The following ADGRD1 variants were observed in gnomAD, a reference collection of about 807,000 sequenced individuals.
ADGRD1 encodes the protein adhesion G protein-coupled receptor D1, also known as G-protein coupled receptor 133.
ADGRD1 carries 77 observed loss-of-function variants against 113.4 expected under a neutral mutation model. The observed-to-expected ratio is 0.68, with a 90% CI of 0.57 to 0.82. ADGRD1 has a LOEUF of 0.82. Ranked by LOEUF, ADGRD1 falls within the 40% of genes least tolerant of loss-of-function variation. ADGRD1 has a pLI of 0.00. For missense variants in ADGRD1, 1,036 were observed against 1,139.1 expected, an observed-to-expected ratio of 0.91 and a Z score of 1.30; for synonymous variants, 474 against 475.0, an observed-to-expected ratio of 1.00 and a Z score of 0.03.
In ADGRD1 at chr12:130,954,707, AG is replaced by A. The variant is rs1565976627; in HGVS notation, c.103+48del. On this transcript the variant is annotated intron_variant, in intron 2 of 24. Transcript: ENST00000261654. The surrounding 1 kb of genome is among the most constrained non-coding windows in gnomAD (Gnocchi z 4.7). ...TCTGAGCACCGCTCTCCCCCTGCCT[AG>A]TGCAGGTATCTCAGGAACAGCCCAC... 1 of 1,557,582 alleles carries A rather than the reference AG, an allele frequency of 6.4e-7. No homozygotes were observed. Among genetic ancestry groups the A allele is most frequent in the Non-Finnish European group, 8.8e-7 (1 of 1,130,132 alleles).
intron 15 of ADGRD1, among the ~76,000 whole-genome samples, chr12:131,090,987 T>C (rs1886868999): frequency 6.6e-6 from 1 of 152,040 alleles, no homozygotes; most frequent in Admixed American, 6.5e-5. Context: ...GCTTCTAACT[T>C]CTCCTGCTGA....
intron 5 of ADGRD1, 137 bp downstream of exon 5, chr12:130,982,200 T>C: frequency 1.3e-6 from 1 of 750,656 alleles, no homozygotes; most frequent in Non-Finnish European, 2.1e-6. Flanking sequence ...TCCTTTCCTT[T>C]AAGGGTTGTT....
Position 130,981,915 on chromosome 12 carries a change from A to G in ADGRD1, c.342A>G (p.Gln114=), listed in dbSNP as rs777747971. ...GVTFSFFWKT[Q]GEQSRPIPSA... is the part of the protein sequence containing the mutation. ...CGTTTTCTTTTTTCTGGAAGACACA[A>G]GGAGAACAGTCTAGACCAATCCCTT... The change falls in exon 5 of 25, where the codon CAA becomes CAG. Residue 114 remains glutamine (Q), a synonymous_variant. Transcript: ENST00000261654. The G allele has an allele frequency of 1.3e-5, 21 of 1,613,300 alleles. No homozygotes were observed. The Admixed American group carries it at 3.5e-4, about 27-fold the overall frequency.
intron 24 of ADGRD1, 121 bp downstream of exon 24, chr12:131,138,350 C>T (rs768752984): frequency 2.7e-6 from 2 of 739,902 alleles, no homozygotes; most frequent in Non-Finnish European, 4.6e-6. Flanking sequence ...GTCTTTGTCC[C>T]CCTCTCATGC....
intron 6 of ADGRD1, chr12:130,990,811 T>C (rs1395293408): frequency 4.0e-6 from 2 of 495,566 alleles, no homozygotes; most frequent in East Asian, 3.4e-5. Flanking sequence ...GGAAAAGTAA[T>C]GTGACCTGGG....
chr12:130,972,222 G>A (rs765352848), intron 4 of ADGRD1, among the ~76,000 whole-genome samples: 12 of 152,164 alleles, frequency 7.9e-5, no homozygotes, highest in South Asian at 2.1e-4. Context: ...GGATCACATT[G>A]CAAATTTTCT....
intron 22 of ADGRD1, among the ~76,000 whole-genome samples, chr12:131,136,387 G>A (rs958974406): frequency 6.6e-5 from 10 of 152,278 alleles, no homozygotes; most frequent in African/African-American, 2.4e-4. Flanking sequence ...GCCAGCATCT[G>A]TAGTTGGCAT....
intron 14 of ADGRD1, among the ~76,000 whole-genome samples, chr12:131,078,156 G>A (rs895871773): frequency 3.9e-5 from 6 of 152,204 alleles, no homozygotes; most frequent in Admixed American, 2.0e-4. Context: ...CAGAGAAAGC[G>A]TCTCTGCTCC....
chr12:131,003,139 T>G lies in ADGRD1; in HGVS notation c.1027-46T>G. 1 of 1,460,140 alleles carries G rather than the reference T, an allele frequency of 6.8e-7. No individual in the cohort carries two copies. Among genetic ancestry groups the G allele is most frequent in the South Asian group, 1.1e-5 (1 of 88,112 alleles). The allele number at this position is 1,460,140 out of a possible 1,614,324, so 90.4% of individuals were successfully genotyped here. A position where few individuals can be genotyped will look rare whatever the true frequency, so the allele number is the denominator to read the frequency against. On this transcript the variant is annotated intron_variant, in intron 9 of 24. Coordinates refer to ENST00000261654, the MANE Select transcript of ADGRD1 (RefSeq NM_198827.5). This position sits in a 1 kb window ranked among gnomAD's most constrained non-coding sequence, Gnocchi z 4.8. The stretch of plus-strand genomic sequence containing the variant: ...TGGTGCACCTGCCTGGTGCCCTGGC[T>G]GAGTGGGGTGGATTTTCATGGCTCC...
chr12:131,109,938 A>G (rs1247508310), intron 18 of ADGRD1, among the ~76,000 whole-genome samples: 1 of 152,132 alleles, frequency 6.6e-6, no homozygotes, highest in African/African-American at 2.4e-5. Flanking sequence ...ACCCTTTTAC[A>G]TTTATAAAAC....
chr12:131,013,718 A>G (rs557876543), intron 12 of ADGRD1, among the ~76,000 whole-genome samples: 4 of 152,298 alleles, frequency 2.6e-5, no homozygotes, highest in South Asian at 4.1e-4. Context: ...TGGGTGGGCA[A>G]AACAGCAGAT....
chr12:131,089,545 C>G (rs1377123779), intron 15 of ADGRD1, among the ~76,000 whole-genome samples: 1 of 152,076 alleles, frequency 6.6e-6, no homozygotes, highest in Non-Finnish European at 1.5e-5. Context: ...TACCCCCTGC[C>G]TGCAAGTGCT....
At chr12:131,127,257 A>C (rs1000536842) in intron 20 of ADGRD1, among the ~76,000 whole-genome samples, 1 of 152,276 alleles carries the variant, frequency 6.6e-6, no homozygotes, top group African/African-American at 2.4e-5. Flanking sequence ...AAAGTAAAGG[A>C]CTTGAAATCT....
chr12:131,047,078 T>C (rs1166420813), intron 13 of ADGRD1, among the ~76,000 whole-genome samples: 1 of 151,474 alleles, frequency 6.6e-6, no homozygotes, highest in Non-Finnish European at 1.5e-5. Flanking sequence ...TGCTCCTCCC[T>C]GGTCAGTGCT....
chr12:131,053,025 G>C (rs1417367738), intron 13 of ADGRD1, among the ~76,000 whole-genome samples: 1 of 152,206 alleles, frequency 6.6e-6, no homozygotes, highest in Non-Finnish European at 1.5e-5. Context: ...GCCTGATCCA[G>C]AAAACATGAG....
At position 131,120,910 on chromosome 12, in the gene ADGRD1, C is replaced by T. The variant is rs144326648; in HGVS notation, c.2172C>T (p.Ile724=). Residue 724 remains isoleucine, a synonymous_variant, in exon 20 of 25, where the codon ATC becomes ATT. Coordinates refer to ENST00000261654, the MANE Select transcript of ADGRD1 (RefSeq NM_198827.5). ...TTGTAGCCCCTGCCCTGTTTGTCAT[C>T]GTGGTACGTTTCCTACCCTTGTGGG... is the stretch of plus-strand genomic sequence containing the variant. ...WAFVAPALFV[I]VVNIGILIAV... is the part of the protein sequence containing the mutation. 2.1e-4 allele frequency: 336 copies of T among 1,613,894 alleles called. No homozygotes were observed. In the African/African-American group the frequency reaches 4.1e-3, roughly 19 times the overall value.
intron 13 of ADGRD1, among the ~76,000 whole-genome samples, chr12:131,038,830 CCAGAAGAA>C (rs1332805966): frequency 1.3e-5 from 2 of 152,218 alleles, no homozygotes; most frequent in African/African-American, 4.8e-5. Flanking sequence ...GCTGATTTTC[CCAGAAGAA>C]CTGTTTGCCT....
At chr12:131,038,578 TG>T (rs1431203024) in intron 13 of ADGRD1, among the ~76,000 whole-genome samples, 2 of 152,212 alleles carry the variant, frequency 1.3e-5, no homozygotes, top group African/African-American at 4.8e-5. Context: ...GAAATGCCCC[TG>T]GGGCTCAGCC....
intron 12 of ADGRD1, among the ~76,000 whole-genome samples, chr12:131,007,071 G>T (rs577023043): frequency 5.3e-5 from 8 of 152,234 alleles, no homozygotes; most frequent in Non-Finnish European, 2.9e-5. Context: ...GTGAGGTGTC[G>T]CTGTGTCTTG....
Sources: gnomAD v4.1 joint callset for allele counts (sites outside exome capture counted in the v4.1 genomes callset) on GRCh38, gnomAD v4.1.1 for gene constraint, Gnocchi (gnomAD v3.1) non-coding constraint, MANE v1.5 for transcripts, NCBI Gene and HGNC (gene_info 2026-07-23, HGNC 2026-07-21) for gene names.